CELF6: variants seen among roughly 807,000 people sequenced by gnomAD.
The protein encoded by CELF6 is Bruno -like 6, RNA binding protein.
CELF6 carries 32 observed loss-of-function variants against 53.1 expected under a neutral mutation model. The ratio of observed to expected loss-of-function variants is 0.60; its 90% CI spans 0.46 to 0.81. CELF6 has a LOEUF of 0.81. Ranked by LOEUF, CELF6 falls within the 30% of genes least tolerant of loss-of-function variation. The pLI, the probability that CELF6 is intolerant of heterozygous loss-of-function variation, is 0.00. For synonymous variants in CELF6, 291 were observed against 288.8 expected (o/e 1.01, Z -0.08); for missense variants, 539 against 669.5 (o/e 0.81, Z 2.15).
Position 72,289,084 on chromosome 15 carries a change from A to AC in CELF6, c.1030+53dup. On this transcript the variant is annotated intron_variant, in intron 8 of 12. Transcript: ENST00000287202. The surrounding 1 kb of genome is among the most constrained non-coding windows in gnomAD (Gnocchi z 7.6). ...CAGGGAAGCCAGGCCCTAACCCCCC[A>AC]CCCCCCGCTCCCCACTCCATTTCGG... 2.9e-6 allele frequency: 4 copies of AC among 1,401,674 alleles called. No homozygotes were observed. The highest frequency in any genetic ancestry group is 5.5e-5 in the Admixed American group (2 of 36,374). The allele number at this position is 1,401,674 out of a possible 1,614,324, so 86.8% of individuals were successfully genotyped here.
At chr15:72,318,055 A>G (rs1444710190) in intron 1 of CELF6, among the ~76,000 whole-genome samples, 2 of 152,220 alleles carry the variant, frequency 1.3e-5, no homozygotes. Context: ...TATTGTACGG[A>G]TGGCCTACAA....
intron 3 of CELF6, among the ~76,000 whole-genome samples, chr15:72,303,212 G>A (rs552103297): frequency 6.6e-6 from 1 of 152,320 alleles, no homozygotes; most frequent in Admixed American, 6.5e-5. Context: ...GCATAAAAGA[G>A]TTTCCCAAGA....
rs891637324 is a variant in CELF6, at chr15:72,289,528, G to A, written c.748-21C>T. 1.3e-6 allele frequency: 2 copies of A among 1,504,228 alleles called. No individual in the cohort carries two copies. The highest frequency in any genetic ancestry group is 1.8e-6 in the Non-Finnish European group (2 of 1,130,758). The allele number at this position is 1,504,228 out of a possible 1,614,324, so 93.2% of individuals were successfully genotyped here. A position where few individuals can be genotyped will look rare whatever the true frequency, so the allele number is the denominator to read the frequency against. On this transcript the variant is annotated intron_variant, in intron 6 of 12. Coordinates refer to ENST00000287202, the MANE Select transcript of CELF6 (RefSeq NM_052840.5). The surrounding 1 kb of genome is among the most constrained non-coding windows in gnomAD (Gnocchi z 7.6). ...AGGATCTTTGAGAGGAAAGATGGGC[G>A]AGAGTGGAGGGCCAAGGGGCAGGCA... is the stretch of plus-strand genomic sequence containing the variant.
At chr15:72,311,189 C>T (rs890517093) in intron 2 of CELF6, among the ~76,000 whole-genome samples, 4 of 151,408 alleles carry the variant, frequency 2.6e-5, no homozygotes, top group Admixed American at 6.6e-5. Context: ...TTAGTAGAGA[C>T]GGGGTTTCAC....
intron 3 of CELF6, among the ~76,000 whole-genome samples, chr15:72,301,036 T>G (rs1221097564): frequency 6.6e-6 from 1 of 151,882 alleles, no homozygotes; most frequent in Non-Finnish European, 1.5e-5. Context: ...TAGGCTGGAG[T>G]GCAGTAGCGC....
At position 72,319,479 on chromosome 15, in the gene CELF6, G is replaced by C; in HGVS notation, c.262+134C>G. 6.3e-6 allele frequency: 6 copies of C among 949,146 alleles called. No individual in the cohort carries two copies. The highest frequency in any genetic ancestry group is 9.1e-6 in the Non-Finnish European group (6 of 658,070). 58.8% of individuals were successfully genotyped at this position (949,146 alleles called of 1,614,324 possible). A position where few individuals can be genotyped will look rare whatever the true frequency, so the allele number is the denominator to read the frequency against. On this transcript the variant is annotated intron_variant, in intron 1 of 12. Transcript: ENST00000287202. This position sits in a 1 kb window ranked among gnomAD's most constrained non-coding sequence, Gnocchi z 5.0. The stretch of plus-strand genomic sequence containing the variant: ...GAAAATTCTGTGATCTGGGAAGGGG[G>C]CTGGGCTGAGGTGGGGCTGATATTG...
intron 3 of CELF6, among the ~76,000 whole-genome samples, chr15:72,290,901 C>A (rs972238648): frequency 1.3e-5 from 2 of 152,168 alleles, no homozygotes; most frequent in African/African-American, 4.8e-5. Context: ...CTACAGAGAG[C>A]AGGACCTTGG....
Position 72,289,647 on chromosome 15 carries a change from A to G in CELF6, c.727T>C (p.Cys243Arg). 1 of 1,502,214 alleles carries G rather than the reference A, an allele frequency of 6.7e-7. No homozygotes were observed. The highest frequency in any genetic ancestry group is 1.4e-5 in the African/African-American group (1 of 69,518). 93.1% of individuals were successfully genotyped at this position (1,502,214 alleles called of 1,614,324 possible). Residue 243 changes from cysteine (C) to arginine (R), a missense_variant, in exon 6 of 13, where the codon TGC becomes CGC. Around this residue, in one of 3 missense-constraint regions of CELF6, gnomAD observed 358 missense variants for 412.8 expected, o/e 0.87. Transcript: ENST00000287202. The surrounding 1 kb of genome is among the most constrained non-coding windows in gnomAD (Gnocchi z 7.6). ...CCTACCGCCGTGGTGTAGGCGCCGC[A>G]GGCCCCTAGCGGCAGTGGCGCGGGG... ...FHPAPLPLGA[C>R]GAYTTAILQH...
chr15:72,292,005 G>C (rs1283515565), intron 3 of CELF6, among the ~76,000 whole-genome samples: 1 of 152,136 alleles, frequency 6.6e-6, no homozygotes, highest in Non-Finnish European at 1.5e-5. Context: ...ACAGATCACT[G>C]GTTTCCCAAC....
chr15:72,290,995 C>A (rs1413967344), intron 3 of CELF6, among the ~76,000 whole-genome samples: 1 of 152,212 alleles, frequency 6.6e-6, no homozygotes, highest in Non-Finnish European at 1.5e-5. Context: ...CCTCCACCAC[C>A]CTGTCCCTTC....
At position 72,288,241 on chromosome 15, in the gene CELF6, G is replaced by A. The variant is rs1258785206; in HGVS notation, c.1318+67C>T. On this transcript the variant is annotated intron_variant, in intron 11 of 12. Transcript: ENST00000287202. This position sits in a 1 kb window ranked among gnomAD's most constrained non-coding sequence, Gnocchi z 4.6. ...ATCACTGCATTATGGAAGGGCAATC[G>A]TAGGGTCTGTAGGAAATCCTTTATA... 23 of 1,516,972 alleles carry A rather than the reference G, an allele frequency of 1.5e-5. No individual in the cohort carries two copies. Among genetic ancestry groups the A allele is most frequent in the Non-Finnish European group, 2.0e-5 (22 of 1,092,372 alleles). The allele number at this position is 1,516,972 out of a possible 1,614,324, so 94.0% of individuals were successfully genotyped here. A position where few individuals can be genotyped will look rare whatever the true frequency, so the allele number is the denominator to read the frequency against.
At chr15:72,307,837 A>G (rs1409999028) in intron 2 of CELF6, among the ~76,000 whole-genome samples, 3 of 152,230 alleles carry the variant, frequency 2.0e-5, no homozygotes, top group African/African-American at 7.2e-5. Flanking sequence ...TGCATAGAAG[A>G]GGCAATGTTT....
chr15:72,296,025 G>C (rs1250451410), intron 3 of CELF6, among the ~76,000 whole-genome samples: 1 of 152,124 alleles, frequency 6.6e-6, no homozygotes, highest in Non-Finnish European at 1.5e-5. Context: ...CTGGCATAAA[G>C]ATAAATATAT....
chr15:72,312,568 G>T (rs1193342437), intron 2 of CELF6, among the ~76,000 whole-genome samples: 7 of 152,186 alleles, frequency 4.6e-5, no homozygotes, highest in African/African-American at 1.7e-4. Context: ...GGTGGAGGTT[G>T]CAGTGAGCTG....
intron 3 of CELF6, chr15:72,292,233 G>C (rs2088015264): frequency 1.3e-6 from 2 of 1,535,572 alleles, no homozygotes; most frequent in African/African-American, 2.7e-5. Flanking sequence ...GCTGTTGTTT[G>C]AGGGGGGATC....
At chr15:72,313,600 C>T (rs1440424624) in intron 2 of CELF6, 3 of 167,064 alleles carry the variant, frequency 1.8e-5, no homozygotes, top group Non-Finnish European at 3.7e-5. Context: ...GTAGATCTTC[C>T]CTCCAGCTTC....
Position 72,288,294 on chromosome 15 carries a change from G to A in CELF6, c.1318+14C>T, listed in dbSNP as rs1392236964. ...CAGAGGTGGGAGAGGCCTAGGGGTA[G>A]GTTCTCAGCTCACCAAAACACTTGC... On this transcript the variant is annotated intron_variant, in intron 11 of 12. Coordinates refer to ENST00000287202, the MANE Select transcript of CELF6 (RefSeq NM_052840.5). The surrounding 1 kb of genome is among the most constrained non-coding windows in gnomAD (Gnocchi z 4.6). 2 of 1,614,010 alleles carry A rather than the reference G, an allele frequency of 1.2e-6. No homozygotes were observed. The highest frequency in any genetic ancestry group is 1.7e-6 in the Non-Finnish European group (2 of 1,179,918).
At position 72,289,763 on chromosome 15, in the gene CELF6, G is replaced by C; in HGVS notation, c.611C>G (p.Ser204Trp). 1 of 1,454,022 alleles carries C rather than the reference G, an allele frequency of 6.9e-7. No homozygotes were observed. The highest frequency in any genetic ancestry group is 1.4e-5 in the South Asian group (1 of 71,156). The allele number at this position is 1,454,022 out of a possible 1,614,324, so 90.1% of individuals were successfully genotyped here. ...LHGSRTMAGA[S>W]SSLVVKLADT... is the part of the protein sequence containing the mutation. ...CGCCAGCTTGACCACGAGGCTGGAC[G>C]AGGCGCCCTGGGCAGGGCAGGGGAG... Residue 204 changes from serine to tryptophan, a missense_variant, in exon 6 of 13, where the codon TCG (serine) becomes TGG (tryptophan). This residue lies in a region of CELF6 where 358 missense variants were observed against 412.8 expected (regional missense o/e 0.87). Coordinates refer to ENST00000287202, the MANE Select transcript of CELF6 (RefSeq NM_052840.5). The surrounding 1 kb of genome is among the most constrained non-coding windows in gnomAD (Gnocchi z 7.6).
chr15:72,308,193 G>A, intron 2 of CELF6, among the ~76,000 whole-genome samples: 1 of 152,094 alleles, frequency 6.6e-6, no homozygotes, highest in Non-Finnish European at 1.5e-5. Context: ...CTAGATCTTA[G>A]TAGATACCTC....
Sources: allele counts gnomAD v4.1 joint callset (sites outside exome capture counted in the v4.1 genomes callset), GRCh38; gene constraint gnomAD v4.1.1; regional missense constraint gnomAD v4.1.1; non-coding constraint Gnocchi (gnomAD v3.1); transcripts MANE v1.5; gene names NCBI Gene and HGNC (gene_info 2026-07-23, HGNC 2026-07-21).